HTRA4: variants seen among roughly 807,000 people sequenced by gnomAD.
HTRA4 encodes the protein serine protease HTRA4.
In HTRA4, 46 loss-of-function variants were observed where a neutral mutation model predicts 49.1. The observed-to-expected ratio is 0.94, with a 90% confidence interval of 0.74 to 1.20. The LOEUF is 1.20. Ranked by LOEUF, HTRA4 falls within the 50% of genes most tolerant of loss-of-function variation. The probability of loss-of-function intolerance (pLI) is 0.00; values close to 1 mark genes in which losing one functional copy is unlikely to be tolerated. For synonymous variants in HTRA4, 261 were observed against 264.0 expected, an observed-to-expected ratio of 0.99 and a Z score of 0.11; for missense variants, 602 against 636.9, an observed-to-expected ratio of 0.95 and a Z score of 0.59.
In HTRA4 at chr8:38,979,233, C is replaced by T. The variant is rs1336623106; in HGVS notation, c.985C>T (p.Pro329Ser). Residue 329 changes from proline (P) to serine (S), a missense_variant, in exon 5 of 9, where the codon CCT becomes TCT. Physicochemically the swap from Pro to Ser is moderately conservative, Grantham distance 74 (BLOSUM62 -1). Transcript: ENST00000302495. ...ATINYGNSGG[P>S]LVNLDGDVIG... ...CTTTTAGTATGGGAATTCTGGTGGT[C>T]CTCTGGTGAACTTGGTAAGTGATCA... The T allele has an allele frequency of 1.9e-6, 3 of 1,613,254 alleles. No individual in the cohort carries two copies. The Admixed American group carries it at 5.0e-5, about 27-fold the overall frequency.
intron 1 of HTRA4, 34 bp from the exon 2 acceptor site, chr8:38,974,997 C>A: frequency 6.2e-7 from 1 of 1,607,926 alleles, no homozygotes; most frequent in Non-Finnish European, 8.5e-7. Flanking sequence ...CTGGTTCCCT[C>A]GAGGCGTACT....
At chr8:38,984,125 C>T (rs919780603) in intron 8 of HTRA4, among the ~76,000 whole-genome samples, 6 of 151,872 alleles carry the variant, frequency 4.0e-5, no homozygotes, top group East Asian at 1.9e-4. Context: ...CTCAGCCTCC[C>T]GAGTAGCTGG....
chr8:38,976,420 A>T (rs1588290434), intron 2 of HTRA4, 115 bp from the exon 3 acceptor site: 2 of 992,196 alleles, frequency 2.0e-6, no homozygotes, highest in African/African-American at 3.3e-5. Flanking sequence ...AGAAAAGAAA[A>T]GAAAACTATG....
chr8:38,988,358 C>CCTG lies in HTRA4; in HGVS notation c.*260_*261insCTG. ...ATGGATGGAGCTGGAAACCATTATCCTCAGCAAACTAACGCAGGAACAGAA... is the reference window on the plus strand; with the variant it reads ...ATGGATGGAGCTGGAAACCATTATCCCTGTCAGCAAACTAACGCAGGAACAGAA... On this transcript the variant is annotated 3_prime_UTR_variant, in exon 9 of 9. Transcript: ENST00000302495. The CCTG allele has an allele frequency of 3.7e-6, 1 of 273,730 alleles. No homozygotes were observed. The highest frequency in any genetic ancestry group is 6.8e-6 in the Non-Finnish European group (1 of 146,894). The allele number at this position is 273,730 out of a possible 1,614,324, so 17.0% of individuals were successfully genotyped here.
intron 8 of HTRA4, among the ~76,000 whole-genome samples, chr8:38,983,620 CTA>C (rs1284344839): frequency 6.6e-6 from 1 of 151,938 alleles, no homozygotes; most frequent in Non-Finnish European, 1.5e-5. Flanking sequence ...TGTAAAATAA[CTA>C]TTTTAAAAAT....
intron 8 of HTRA4, among the ~76,000 whole-genome samples, chr8:38,984,090 T>C (rs1352268101): frequency 1.3e-5 from 2 of 151,872 alleles, no homozygotes; most frequent in East Asian, 2.0e-4. Context: ...AACCTCCACC[T>C]CTCAGGTTCA....
intron 4 of HTRA4, 52 bp downstream of exon 4, chr8:38,978,199 G>T: frequency 6.7e-7 from 1 of 1,494,804 alleles, no homozygotes. Context: ...GACCAGTACA[G>T]GTCCATGGCC....
At chr8:38,981,912 ATC>A in intron 6 of HTRA4, 145 bp downstream of exon 6, 1 of 627,106 alleles carries the variant, frequency 1.6e-6, no homozygotes, top group Non-Finnish European at 2.8e-6. Context: ...CAGTGGCGTG[ATC>A]TTGGTTTACT....
chr8:38,977,143 C>T lies in HTRA4; in HGVS notation c.771+404C>T, dbSNP rs183309036. ...TAGAGACTGGGTTTTACCATGTTGGCCAGGCTGGTCTCGAACTCCTGACCT... is the reference window on the plus strand; with the variant it reads ...TAGAGACTGGGTTTTACCATGTTGGTCAGGCTGGTCTCGAACTCCTGACCT... On this transcript the variant is annotated intron_variant, in intron 3 of 8. Coordinates refer to ENST00000302495, the MANE Select transcript of HTRA4 (RefSeq NM_153692.4). Among the ~76,000 whole-genome samples the T allele has an allele frequency of 1.5e-3, 231 of 152,176 alleles. 2 individuals carry two copies. In the East Asian group the frequency reaches 0.028, roughly 19 times the overall value.
chr8:38,986,503 A>C (rs1188906553), intron 8 of HTRA4, among the ~76,000 whole-genome samples: 1 of 152,100 alleles, frequency 6.6e-6, no homozygotes, highest in African/African-American at 2.4e-5. Context: ...TCCTGACCTC[A>C]GGTGATCCAC....
chr8:38,981,076 T>TTTTTTG (rs1564178993), intron 5 of HTRA4, among the ~76,000 whole-genome samples: 2,894 of 104,226 alleles, frequency 0.028, 146 homozygotes, highest in African/African-American at 0.04. Context: ...TTTTTTTTTT[T>TTTTTTG]TTTTTTTTTT....
At chr8:38,981,106 G>C (rs1320230326) in intron 5 of HTRA4, among the ~76,000 whole-genome samples, 5 of 100,784 alleles carry the variant, frequency 5.0e-5, no homozygotes, top group Non-Finnish European at 3.7e-5. Flanking sequence ...TTGAGACGGA[G>C]TCTCGCTAGG....
chr8:38,981,062 A>AGTTTTTTTTTGTTTTTTTTT lies in HTRA4; in HGVS notation c.1000-581_1000-580insGTTTTTTTTTGTTTTTTTTT, dbSNP rs1564178871. Among the ~76,000 whole-genome samples, 15 of 74,110 alleles carry AGTTTTTTTTTGTTTTTTTTT rather than the reference A, an allele frequency of 2.0e-4. 2 individuals carry two copies. Among genetic ancestry groups the AGTTTTTTTTTGTTTTTTTTT allele is most frequent in the Non-Finnish European group, 2.5e-4 (9 of 36,454 alleles). 48.6% of individuals were successfully genotyped at this position (74,110 alleles called of 152,430 possible). A position where few individuals can be genotyped will look rare whatever the true frequency, so the allele number is the denominator to read the frequency against. Reference sequence around the variant, plus strand: ...TTACTAAAGGAAAAAAATGAGCTTAAGTTTTTTTTTTTTTTTTTTTTTTTT... The same window carrying AGTTTTTTTTTGTTTTTTTTT: ...TTACTAAAGGAAAAAAATGAGCTTAAGTTTTTTTTTGTTTTTTTTTGTTTTTTTTTTTTTTTTTTTTTTTT... On this transcript the variant is annotated intron_variant, in intron 5 of 8. Transcript: ENST00000302495.
Position 38,978,105 on chromosome 8 carries a change from G to A in HTRA4, c.924G>A (p.Lys308=). Residue 308 remains lysine (K), a synonymous_variant, in exon 4 of 9, where the codon AAG becomes AAA. Transcript: ENST00000302495. ...GAGGGGGCAAAGAACTGGGGATGAAGGATTCAGATATGGACTACGTCCAGA... is the reference window on the plus strand; with the variant it reads ...GAGGGGGCAAAGAACTGGGGATGAAAGATTCAGATATGGACTACGTCCAGA... ...KQRGGKELGM[K]DSDMDYVQID... is the part of the protein sequence containing the mutation. The A allele has an allele frequency of 1.2e-6, 2 of 1,614,124 alleles. No individual in the cohort carries two copies. The highest frequency in any genetic ancestry group is 1.7e-6 in the Non-Finnish European group (2 of 1,180,002).
chr8:38,976,033 A>G (rs1444144632), intron 2 of HTRA4, among the ~76,000 whole-genome samples: 1 of 152,228 alleles, frequency 6.6e-6, no homozygotes, highest in Non-Finnish European at 1.5e-5. Context: ...TGCTCACAAG[A>G]GATGGCTGGG....
chr8:38,984,762 CAA>C (rs913922764), intron 8 of HTRA4, among the ~76,000 whole-genome samples: 3 of 151,702 alleles, frequency 2.0e-5, no homozygotes, highest in African/African-American at 7.3e-5. Context: ...AAACAAAAAA[CAA>C]AAAACAAAAA....
intron 4 of HTRA4, 99 bp from the exon 5 acceptor site, chr8:38,979,115 TG>T: frequency 9.2e-7 from 1 of 1,090,104 alleles, no homozygotes; most frequent in Non-Finnish European, 1.4e-6. Context: ...AGGAGCTTGG[TG>T]GGCTGCTTTT....
Position 38,983,064 on chromosome 8 carries a change from G to T in HTRA4, c.1268+16G>T. 6.5e-7 allele frequency: 1 copy of T among 1,550,356 alleles called. No homozygotes were observed. The highest frequency in any genetic ancestry group is 8.9e-7 in the Non-Finnish European group (1 of 1,124,856). ...CTGCTCAAAGGTAAGAGAAGTGAAG[G>T]CCTTTGTCATCTACCTTTGCTTTTT... On this transcript the variant is annotated intron_variant, in intron 8 of 8. Coordinates refer to ENST00000302495, the MANE Select transcript of HTRA4 (RefSeq NM_153692.4).
chr8:38,982,817 A>G, intron 7 of HTRA4, 136 bp from the exon 8 acceptor site: 1 of 659,034 alleles, frequency 1.5e-6, no homozygotes, highest in Non-Finnish European at 2.6e-6. Context: ...GAGGAGAATG[A>G]CTGTGATTAG....
Sources: allele counts gnomAD v4.1 joint callset (sites outside exome capture counted in the v4.1 genomes callset), GRCh38; gene constraint gnomAD v4.1.1; transcripts MANE v1.5; gene names NCBI Gene and HGNC (gene_info 2026-07-23, HGNC 2026-07-21).